Variants in HIPK2 observed in about 807,000 individuals in gnomAD.
The protein encoded by HIPK2 is homeodomain-interacting protein kinase 2.
In HIPK2, 27 loss-of-function variants were observed where a neutral mutation model predicts 113.7. The observed-to-expected ratio is 0.24, with a 90% CI of 0.17 to 0.33. HIPK2 has a LOEUF of 0.33. Among genes scored for constraint, HIPK2 ranks in the 10% least tolerant of loss-of-function variants. The pLI, the probability that HIPK2 is intolerant of heterozygous loss-of-function variation, is 1.00. For missense variants in HIPK2, 1,257 were observed against 1,588.0 expected (o/e 0.79, Z 3.54); for synonymous variants, 631 against 642.2 (o/e 0.98, Z 0.26).
chr7:139,757,423 G>A (rs1453155585), intron 1 of HIPK2, among the ~76,000 whole-genome samples: 1 of 152,120 alleles, frequency 6.6e-6, no homozygotes, highest in Admixed American at 6.5e-5. Flanking sequence ...GGGAGGCACT[G>A]GGGATCTGGA....
At chr7:139,588,505 G>T (rs1798911841) in intron 12 of HIPK2, among the ~76,000 whole-genome samples, 1 of 126,076 alleles carries the variant, frequency 7.9e-6, no homozygotes, top group African/African-American at 3.5e-5. Context: ...GACACAGCCA[G>T]ACTGTCTTAA....
chr7:139,648,717 C>CGGA (rs1171779004), intron 2 of HIPK2, among the ~76,000 whole-genome samples: 3 of 152,062 alleles, frequency 2.0e-5, no homozygotes, highest in Admixed American at 2.0e-4. Flanking sequence ...TTACGGAGGA[C>CGGA]GGAGGACGGC....
rs189445219 is a variant in HIPK2 at position 139,561,735 on chromosome 7, A to G, written c.*11192T>C. On this transcript the variant is annotated 3_prime_UTR_variant, in exon 15 of 15. Transcript: ENST00000406875. ...GAAACTATGAGTAACAAGCTATAAC[A>G]TAGTTCACCACAATGGGACCCCCCC... 6.7e-6 allele frequency: 1 copy of G among 149,728 alleles called. No homozygotes were observed. Among genetic ancestry groups the G allele is most frequent in the East Asian group, 1.9e-4 (1 of 5,178 alleles). 9.3% of individuals were successfully genotyped at this position (149,728 alleles called of 1,614,324 possible).
At position 139,629,079 on chromosome 7, in the gene HIPK2, GCTC is replaced by G. The variant is rs572912491; in HGVS notation, c.1348-43_1348-41del. 417 of 1,515,108 alleles carry G rather than the reference GCTC, an allele frequency of 2.8e-4. No individual in the cohort carries two copies. In the African/African-American group the frequency reaches 5.0e-3, roughly 18 times the overall value. The allele number at this position is 1,515,108 out of a possible 1,614,324, so 93.9% of individuals were successfully genotyped here. A position where few individuals can be genotyped will look rare whatever the true frequency, so the allele number is the denominator to read the frequency against. On this transcript the variant is annotated intron_variant, in intron 4 of 14. Transcript: ENST00000406875. ...AAAAGCCAATTGGTAGCGTGACTTAGCTCCTCATCACTGGGACTCAAGCCTTGG... is the reference window on the plus strand; with the variant it reads ...AAAAGCCAATTGGTAGCGTGACTTAGCTCATCACTGGGACTCAAGCCTTGG...
chr7:139,610,310 G>A (rs966267176), intron 9 of HIPK2, among the ~76,000 whole-genome samples: 2 of 152,230 alleles, frequency 1.3e-5, no homozygotes, highest in African/African-American at 2.4e-5. Flanking sequence ...AAAAGCACAC[G>A]TGAGTTCTGT....
intron 9 of HIPK2, among the ~76,000 whole-genome samples, chr7:139,610,654 G>C (rs898000700): frequency 6.6e-6 from 1 of 152,300 alleles, no homozygotes; most frequent in South Asian, 2.1e-4. Context: ...CAGAGATGAA[G>C]AATACTTCAT....
chr7:139,661,196 A>AT (rs1233618599), intron 2 of HIPK2, among the ~76,000 whole-genome samples: 2 of 152,208 alleles, frequency 1.3e-5, no homozygotes, highest in Non-Finnish European at 2.9e-5. Context: ...GCAAGCTGGT[A>AT]TGAACTGGCT....
Position 139,573,373 on chromosome 7 carries a change from G to C in HIPK2, c.3151C>G (p.Arg1051Gly). Residue 1051 changes from arginine (R) to glycine (G), a missense_variant, in exon 15 of 15, where the codon CGC becomes GGC. By Grantham distance (125) the Arg-to-Gly change is moderately radical (BLOSUM62 -2). Coordinates refer to ENST00000406875, the MANE Select transcript of HIPK2 (RefSeq NM_022740.5). ...TGCTGCCTTCGGTGGCTCCCAGTGC[G>C]GTCCGTGGTGATGTGCTGCTGAGCC... ...SQAQQHITTD[R>G]TGSHRRQQAY... 6.2e-7 allele frequency: 1 copy of C among 1,604,178 alleles called. No homozygotes were observed. Among genetic ancestry groups the C allele is most frequent in the Non-Finnish European group, 8.5e-7 (1 of 1,179,832 alleles).
intron 2 of HIPK2, among the ~76,000 whole-genome samples, chr7:139,653,427 G>C (rs1801536599): frequency 6.6e-6 from 1 of 151,186 alleles, no homozygotes; most frequent in East Asian, 1.9e-4. Context: ...GTGGGATTTA[G>C]AGATCTTATG....
chr7:139,759,924 T>G lies in HIPK2; in HGVS notation c.19+17681A>C, dbSNP rs114309577. The stretch of plus-strand genomic sequence containing the variant: ...CTATATTGTTTAATTATTTTAACTT[T>G]CCAATATCAAAAGAAATGTAGAGAG... On this transcript the variant is annotated intron_variant, in intron 1 of 14. Coordinates refer to ENST00000406875, the MANE Select transcript of HIPK2 (RefSeq NM_022740.5). Among the ~76,000 whole-genome samples the G allele has an allele frequency of 3.3e-3, 507 of 152,256 alleles. 4 individuals carry two copies. The highest frequency in any genetic ancestry group is 0.01 in the African/African-American group (429 of 41,550).
chr7:139,590,294 T>C (rs1193057885), intron 12 of HIPK2, among the ~76,000 whole-genome samples: 1 of 152,208 alleles, frequency 6.6e-6, no homozygotes, highest in Non-Finnish European at 1.5e-5. Context: ...GAGTTCACAA[T>C]TGCATTATGT....
intron 1 of HIPK2, among the ~76,000 whole-genome samples, chr7:139,723,555 C>T (rs1057467969): frequency 6.6e-6 from 1 of 152,080 alleles, no homozygotes; most frequent in African/African-American, 2.4e-5. Flanking sequence ...AGCATATTTT[C>T]CCCCCACTAT....
At chr7:139,597,321 C>T (rs1799258230) in intron 11 of HIPK2, among the ~76,000 whole-genome samples, 1 of 152,214 alleles carries the variant, frequency 6.6e-6, no homozygotes, top group Non-Finnish European at 1.5e-5. Flanking sequence ...AGGATTCCAG[C>T]TGTGTTTGCC....
At chr7:139,625,360 AT>A (rs1403754120) in intron 6 of HIPK2, among the ~76,000 whole-genome samples, 1 of 149,758 alleles carries the variant, frequency 6.7e-6, no homozygotes, top group East Asian at 1.9e-4. Flanking sequence ...CCGAATGGAC[AT>A]TTTTTTCCAG....
intron 1 of HIPK2, among the ~76,000 whole-genome samples, chr7:139,739,278 A>G (rs990566194): frequency 6.6e-5 from 10 of 152,210 alleles, no homozygotes; most frequent in Admixed American, 4.6e-4. Context: ...CATACCATAA[A>G]GTTCACATTT....
At chr7:139,776,961 AG>A (rs1796772835) in intron 1 of HIPK2, 1 of 152,276 alleles carries the variant, frequency 6.6e-6, no homozygotes, top group Non-Finnish European at 1.5e-5. Context: ...AGACCGAGCC[AG>A]AAAAACGTCT....
At position 139,734,011 on chromosome 7, in the gene HIPK2, A is replaced by G. The variant is rs559861254; in HGVS notation, c.20-16996T>C. Reference sequence around the variant, plus strand: ...CTCTGTTGTTTGTTACTGCTGTACAACTTAGGCCATCCTAACCAGTGCTGG... The same window carrying G: ...CTCTGTTGTTTGTTACTGCTGTACAGCTTAGGCCATCCTAACCAGTGCTGG... On this transcript the variant is annotated intron_variant, in intron 1 of 14. Coordinates refer to ENST00000406875, the MANE Select transcript of HIPK2 (RefSeq NM_022740.5). Among the ~76,000 whole-genome samples, 7 of 152,310 alleles carry G rather than the reference A, an allele frequency of 4.6e-5. No homozygotes were observed. In the South Asian group the frequency reaches 1.2e-3, roughly 27 times the overall value.
At position 139,621,924 on chromosome 7, in the gene HIPK2, G is replaced by GA. The variant is rs765904905; in HGVS notation, c.1620-1362_1620-1361insT. ...GGTGACAGGGTGAGACCCTGTCTCA[G>GA]GAAAAAAAAAAAAAAAAAAATTAAA... On this transcript the variant is annotated intron_variant, in intron 6 of 14. Transcript: ENST00000406875. 1.6e-3 allele frequency among the ~76,000 whole-genome samples: 132 copies of GA among 83,994 alleles called. 3 individuals are homozygous for GA. Among genetic ancestry groups the GA allele is most frequent in the South Asian group, 0.013 (38 of 2,992 alleles). The allele number at this position is 83,994 out of a possible 152,430, so 55.1% of individuals were successfully genotyped here.
At chr7:139,633,855 G>C (rs780862413) in intron 2 of HIPK2, among the ~76,000 whole-genome samples, 8 of 151,812 alleles carry the variant, frequency 5.3e-5, no homozygotes, top group Non-Finnish European at 1.2e-4. Context: ...TGAGGCATGA[G>C]AATCGCTTGA....
Sources: allele counts gnomAD v4.1 joint callset (sites outside exome capture counted in the v4.1 genomes callset), GRCh38; gene constraint gnomAD v4.1.1; transcripts MANE v1.5; gene names NCBI Gene and HGNC (gene_info 2026-07-23, HGNC 2026-07-21).